Variants in KDM5C observed in about 807,000 individuals in gnomAD.
KDM5C encodes lysine-specific demethylase 5C.
A neutral mutation model predicts 110.6 loss-of-function variants in KDM5C; 16 were observed. The observed-to-expected ratio is 0.14, with a 90% CI of 0.10 to 0.22. The LOEUF (loss-of-function observed/expected upper bound fraction) is 0.22. Among genes scored for constraint, KDM5C ranks in the 10% least tolerant of loss-of-function variants. KDM5C has a pLI of 1.00. For synonymous variants in KDM5C, 511 were observed against 520.4 expected, an observed-to-expected ratio of 0.98 and a Z score of 0.24; for missense variants, 681 against 1,300.9, an observed-to-expected ratio of 0.52 and a Z score of 7.33.
downstream of KDM5C, among the ~76,000 whole-genome samples, chrX:53,188,070 T>C (rs1320241192): frequency 1.8e-5 from 2 of 111,736 alleles, no homozygotes; most frequent in African/African-American, 6.5e-5. Context: ...AAAAAACAAT[T>C]GTCTCACAAA....
intron 14 of KDM5C, 144 bp downstream of exon 14, chrX:53,201,406 G>A: frequency 1.7e-6 from 1 of 573,167 alleles, no homozygotes. Context: ...GGGTATAGCA[G>A]AGAATGGTAT....
intron 17 of KDM5C, among the ~76,000 whole-genome samples, chrX:53,198,228 T>C (rs1187965142): frequency 9.0e-6 from 1 of 111,467 alleles, no homozygotes; most frequent in African/African-American, 3.3e-5. Flanking sequence ...CCTCAGCCTC[T>C]CTCTCAGGCC....
At position 53,192,873 on chromosome X, in the gene KDM5C, G is replaced by GCCCC; in HGVS notation, c.*93_*94insGGGG. ...AGCAGGGATGGCCACCCCCCTACCC[G>GCCCC]CCCACCCCCCAAGAAGCAGGCTTGA... On this transcript the variant is annotated 3_prime_UTR_variant, in exon 26 of 26. Transcript: ENST00000375401. The GCCCC allele has an allele frequency of 2.2e-5, 5 of 230,654 alleles. No individual in the cohort carries two copies. The highest frequency in any genetic ancestry group is 3.1e-5 in the Non-Finnish European group (5 of 159,354). The allele number at this position is 230,654 out of a possible 1,213,427, so 19.0% of individuals were successfully genotyped here.
intron 1 of KDM5C, among the ~76,000 whole-genome samples, chrX:53,224,013 G>T (rs2073965388): frequency 8.9e-6 from 1 of 112,420 alleles, no homozygotes; most frequent in Non-Finnish European, 1.9e-5. Context: ...ATCCCTGTGA[G>T]ACTGATTTCC....
intron 1 of KDM5C, among the ~76,000 whole-genome samples, chrX:53,221,997 A>C (rs1206651927): frequency 9.0e-6 from 1 of 111,348 alleles, no homozygotes; most frequent in Non-Finnish European, 1.9e-5. Context: ...GGGTGGTGAA[A>C]TCAACCTAAA....
chrX:53,207,823 A>G (rs1012919198), intron 12 of KDM5C, among the ~76,000 whole-genome samples: 9 of 109,071 alleles, frequency 8.3e-5, no homozygotes, highest in Non-Finnish European at 1.7e-4. Context: ...GTGGCGGGCA[A>G]CTGTAATCCC....
At chrX:53,188,071 G>T (rs1285947943), downstream of KDM5C, among the ~76,000 whole-genome samples, 1 of 111,731 alleles carries the variant, frequency 9.0e-6, no homozygotes, top group Non-Finnish European at 1.9e-5. Flanking sequence ...AAAAACAATT[G>T]TCTCACAAAT....
chrX:53,201,893 G>A lies in KDM5C; in HGVS notation c.1827C>T (p.Tyr609=), dbSNP rs1289977407. 4 of 1,210,514 alleles carry A rather than the reference G, an allele frequency of 3.3e-6. No homozygotes were observed. Among genetic ancestry groups the A allele is most frequent in the Non-Finnish European group, 4.5e-6 (4 of 895,374 alleles). ...RAYHSGFNQG[Y]NFAEAVNFCT... is the part of the protein sequence containing the mutation. ...AAAAGTTGACAGCCTCGGCAAAGTT[G>A]TAGCCTTGGTTGAAGCCGCTGTGGT... The change falls in exon 13 of 26, where the codon TAC becomes TAT. Residue 609 remains tyrosine, a synonymous_variant. Transcript: ENST00000375401.
chrX:53,207,468 G>C (rs898356132), intron 12 of KDM5C, among the ~76,000 whole-genome samples: 13 of 111,724 alleles, frequency 1.2e-4, no homozygotes, highest in African/African-American at 3.6e-4. Flanking sequence ...AAATTGGACA[G>C]TGCAGTTCTA....
chrX:53,216,262 A>G, intron 5 of KDM5C, 65 bp from the exon 6 acceptor site: 1 of 1,183,567 alleles, frequency 8.4e-7, no homozygotes, highest in Non-Finnish European at 1.1e-6. Context: ...TCCTAAAAGA[A>G]CAGTAACTCG....
At position 53,217,937 on chromosome X, in the gene KDM5C, A is replaced by C; in HGVS notation, c.381T>G (p.Ala127=). The C allele has an allele frequency of 8.3e-7, 1 of 1,211,652 alleles. No individual in the cohort carries two copies. Among genetic ancestry groups the C allele is most frequent in the Non-Finnish European group, 1.1e-6 (1 of 895,369 alleles). The part of the protein sequence containing the change: ...KIVVEEGGYE[A]ICKDRRWARV... ...GAGCCCACCGACGGTCCTTGCAGAT[A>C]GCTTCATAACCACCTTCCTCCACCA... Residue 127 remains alanine, a synonymous_variant, in exon 4 of 26, where the codon GCT becomes GCG. Coordinates refer to ENST00000375401, the MANE Select transcript of KDM5C (RefSeq NM_004187.5).
intron 20 of KDM5C, 60 bp downstream of exon 20, chrX:53,195,856 T>C (rs1602166286): frequency 1.7e-6 from 2 of 1,146,295 alleles, no homozygotes; most frequent in East Asian, 6.2e-5. Flanking sequence ...CATCCCAGTG[T>C]ATATGCCATC....
intron 25 of KDM5C, 23 bp downstream of exon 25, chrX:53,193,414 C>G: frequency 8.3e-7 from 1 of 1,211,457 alleles, no homozygotes; most frequent in Non-Finnish European, 1.1e-6. Flanking sequence ...CCTCCTGGCC[C>G]GGCCCATGAC....
chrX:53,218,503 C>T (rs1047117843), intron 2 of KDM5C, 105 bp from the exon 3 acceptor site: 1 of 934,595 alleles, frequency 1.1e-6, no homozygotes. Flanking sequence ...TCCACACTTT[C>T]ACTACCCAGG....
rs910801787 is a variant in KDM5C at position 53,208,072 on chromosome X, G to A, written c.1746+2342C>T. Among the ~76,000 whole-genome samples the A allele has an allele frequency of 2.9e-4, 7 of 24,382 alleles. No homozygotes were observed. The East Asian group carries it at 7.0e-3, about 24-fold the overall frequency. 21.2% of individuals were successfully genotyped at this position (24,382 alleles called of 115,157 possible). A position where few individuals can be genotyped will look rare whatever the true frequency, so the allele number is the denominator to read the frequency against. The stretch of plus-strand genomic sequence containing the variant: ...CAAAGGGGAAGGTGGGGTGATGGGG[G>A]CAGGGAGCTAGATACCTCTGGGGGA... On this transcript the variant is annotated intron_variant, in intron 12 of 25. Coordinates refer to ENST00000375401, the MANE Select transcript of KDM5C (RefSeq NM_004187.5).
Position 53,192,488 on chromosome X carries a change from T to C in KDM5C, c.*479A>G, listed in dbSNP as rs1602155582. On this transcript the variant is annotated 3_prime_UTR_variant, in exon 26 of 26. Transcript: ENST00000375401. ...ACGGCTATGTGAAGTTTCCTCCTCC[T>C]GGGTGGAACAGTCAGGGGAAGGGAG... is the stretch of plus-strand genomic sequence containing the variant. 3.6e-6 allele frequency: 1 copy of C among 278,546 alleles called. No homozygotes were observed. The highest frequency in any genetic ancestry group is 5.1e-5 in the East Asian group (1 of 19,567). The allele number at this position is 278,546 out of a possible 1,213,427, so 23.0% of individuals were successfully genotyped here.
intron 12 of KDM5C, among the ~76,000 whole-genome samples, chrX:53,209,635 C>T (rs1256329565): frequency 5.4e-5 from 6 of 111,392 alleles, no homozygotes; most frequent in Middle Eastern, 4.6e-3. Context: ...CCGGATAATA[C>T]TTAAAGCAGA....
chrX:53,211,569 G>A lies in KDM5C; in HGVS notation c.1329C>T (p.Asp443=), dbSNP rs782060947. The part of the protein sequence containing the change: ...EEDVTVEYGA[D]IHSKEFGSGF... Reference sequence around the variant, plus strand: ...CGCTGCCAAATTCTTTGGAATGGATGTCAGCTCCATACTCAACAGTCACAT... The same window carrying A: ...CGCTGCCAAATTCTTTGGAATGGATATCAGCTCCATACTCAACAGTCACAT... The change falls in exon 10 of 26, where the codon GAC becomes GAT. Residue 443 remains aspartate (D), a synonymous_variant. Transcript: ENST00000375401. The A allele has an allele frequency of 6.6e-6, 8 of 1,209,723 alleles. No homozygotes were observed. In the African/African-American group the frequency reaches 1.4e-4, roughly 21 times the overall value.
intron 12 of KDM5C, among the ~76,000 whole-genome samples, chrX:53,206,295 T>A (rs1206682774): frequency 9.0e-6 from 1 of 111,423 alleles, no homozygotes; most frequent in Non-Finnish European, 1.9e-5. Context: ...GATGAATGGT[T>A]GACTGGGACT....
Sources: allele counts gnomAD v4.1 joint callset (sites outside exome capture counted in the v4.1 genomes callset), GRCh38; gene constraint gnomAD v4.1.1; transcripts MANE v1.5; gene names NCBI Gene and HGNC (gene_info 2026-07-23, HGNC 2026-07-21).